Variants in ATRNL1 observed in about 807,000 individuals in gnomAD.
ATRNL1 encodes the protein attractin like 1, also known as attractin-like protein 1.
A neutral mutation model predicts 182.7 loss-of-function variants in ATRNL1; 95 were observed. That is an observed-to-expected ratio of 0.52 (90% CI 0.44 to 0.62). The LOEUF is 0.62. Ranked by LOEUF, ATRNL1 falls within the 20% of genes least tolerant of loss-of-function variation. The probability of loss-of-function intolerance (pLI) is 0.00; values close to 1 mark genes in which losing one functional copy is unlikely to be tolerated. For missense variants in ATRNL1, 1,471 were observed against 1,679.5 expected (o/e 0.88, Z 2.17); for synonymous variants, 576 against 568.3 (o/e 1.01, Z -0.19).
At chr10:115,533,731 G>C (rs1851765469) in intron 25 of ATRNL1, among the ~76,000 whole-genome samples, 1 of 149,226 alleles carries the variant, frequency 6.7e-6, no homozygotes, top group African/African-American at 2.4e-5. Flanking sequence ...GCTTTCTCTT[G>C]TGGGCATTTA....
At chr10:115,389,538 G>GTATATAGATATATATATA (rs1270489896) in intron 19 of ATRNL1, among the ~76,000 whole-genome samples, 1 of 51,414 alleles carries the variant, frequency 1.9e-5, no homozygotes, top group Non-Finnish European at 3.3e-5. Context: ...AAATGTGTAT[G>GTATATAGATATATATATA]TGTATATATA....
At position 115,268,429 on chromosome 10, in the gene ATRNL1, T is replaced by C. The variant is rs1554911659; in HGVS notation, c.2085T>C (p.Asn695=). 1.2e-6 allele frequency: 2 copies of C among 1,608,270 alleles called. No homozygotes were observed. The part of the protein sequence containing the change: ...WCDDKKCISA[N]SNCSMSVKNY... ...ATGACAAGAAATGCATTTCGGCAAA[T>C]AGTAACTGCAGTATGGTTAGTATTT... The change falls in exon 13 of 29, where the codon AAT becomes AAC. Residue 695 remains asparagine, a synonymous_variant. Coordinates refer to ENST00000355044, the MANE Select transcript of ATRNL1 (RefSeq NM_207303.4).
chr10:115,838,547 A>T (rs983415593), intron 27 of ATRNL1, among the ~76,000 whole-genome samples: 3 of 152,230 alleles, frequency 2.0e-5, no homozygotes. Flanking sequence ...GAAACAAATA[A>T]GTAACAAGCA....
chr10:115,757,630 A>G (rs1480990712), intron 27 of ATRNL1, among the ~76,000 whole-genome samples: 1 of 151,968 alleles, frequency 6.6e-6, no homozygotes, highest in African/African-American at 2.4e-5. Flanking sequence ...TCTGACAATT[A>G]TGTGTCTTTG....
chr10:115,569,713 CTGTT>C (rs1235067218), intron 26 of ATRNL1, among the ~76,000 whole-genome samples: 2 of 151,594 alleles, frequency 1.3e-5, no homozygotes, highest in African/African-American at 2.4e-5. Flanking sequence ...AGTAGGATAA[CTGTT>C]TGTCTCTGGT....
chr10:115,223,929 A>ATTTTTTTTTTTTTTTTTTT (rs1223695295), intron 9 of ATRNL1, among the ~76,000 whole-genome samples: 2 of 44,732 alleles, frequency 4.5e-5, no homozygotes, highest in African/African-American at 9.2e-5. Flanking sequence ...ATATATATAT[A>ATTTTTTTTTTTTTTTTTTT]TTTTTTTTTT....
intron 26 of ATRNL1, among the ~76,000 whole-genome samples, chr10:115,569,776 CTTT>C (rs10581276): frequency 0.2 from 29,404 of 150,118 alleles, 3,030 homozygotes; most frequent in South Asian, 0.24. Flanking sequence ...TCTTTAAATA[CTTT>C]TTTTTTTTTT....
chr10:115,871,183 A>C (rs1951570810), intron 28 of ATRNL1, among the ~76,000 whole-genome samples: 1 of 152,026 alleles, frequency 6.6e-6, no homozygotes, highest in African/African-American at 2.4e-5. Context: ...ATTTGAAAGC[A>C]GTGTCTTATA....
intron 5 of ATRNL1, among the ~76,000 whole-genome samples, chr10:115,147,293 T>A (rs1200238489): frequency 6.6e-6 from 1 of 152,132 alleles, no homozygotes; most frequent in Admixed American, 6.5e-5. Flanking sequence ...GACTTCATGA[T>A]CTTTGCTCAC....
intron 26 of ATRNL1, among the ~76,000 whole-genome samples, chr10:115,608,292 C>A (rs1478384894): frequency 1.3e-5 from 2 of 151,990 alleles, no homozygotes; most frequent in Non-Finnish European, 2.9e-5. Context: ...TACTCATCTA[C>A]AAAGAGTCTT....
intron 26 of ATRNL1, among the ~76,000 whole-genome samples, chr10:115,699,631 C>G (rs1368771812): frequency 2.6e-5 from 4 of 152,112 alleles, no homozygotes; most frequent in Non-Finnish European, 5.9e-5. Flanking sequence ...AAGGACCATT[C>G]ACAGTCAGAG....
intron 24 of ATRNL1, among the ~76,000 whole-genome samples, chr10:115,500,671 A>G (rs1236346575): frequency 6.6e-6 from 1 of 150,896 alleles, no homozygotes; most frequent in Non-Finnish European, 1.5e-5. Flanking sequence ...CCTCCTGAGT[A>G]GCTGGGATTA....
At chr10:115,438,531 A>G (rs782198101) in intron 21 of ATRNL1, among the ~76,000 whole-genome samples, 18 of 151,922 alleles carry the variant, frequency 1.2e-4, no homozygotes, top group Non-Finnish European at 2.2e-4. Flanking sequence ...ACTTCTTTAA[A>G]CATCTTGTAT....
At chr10:115,533,141 C>T (rs1300444427) in intron 25 of ATRNL1, among the ~76,000 whole-genome samples, 2 of 152,190 alleles carry the variant, frequency 1.3e-5, no homozygotes, top group Admixed American at 6.5e-5. Flanking sequence ...AGGATTCCCT[C>T]TTTTTCTATT....
intron 25 of ATRNL1, among the ~76,000 whole-genome samples, chr10:115,543,072 A>C (rs1366989346): frequency 6.6e-6 from 1 of 152,216 alleles, no homozygotes; most frequent in African/African-American, 2.4e-5. Flanking sequence ...AATTCAGTTC[A>C]TACCAGGGAG....
At chr10:115,431,497 A>G (rs1302867446) in intron 21 of ATRNL1, among the ~76,000 whole-genome samples, 2 of 151,952 alleles carry the variant, frequency 1.3e-5, no homozygotes, top group African/African-American at 4.8e-5. Context: ...ATTTTCGCTC[A>G]TCAGCTGTTT....
chr10:115,729,738 A>G (rs1555062042), intron 27 of ATRNL1, among the ~76,000 whole-genome samples: 1 of 152,098 alleles, frequency 6.6e-6, no homozygotes, highest in East Asian at 1.9e-4. Context: ...CTCAAATAAA[A>G]TTAATACTTT....
chr10:115,469,069 G>A (rs1216418833), intron 23 of ATRNL1, 103 bp from the exon 24 acceptor site: 1 of 400,092 alleles, frequency 2.5e-6, no homozygotes, highest in Non-Finnish European at 4.3e-6. Flanking sequence ...AGTATATTTT[G>A]ATAATTATTT....
rs539790807 is a variant in ATRNL1 at position 115,821,501 on chromosome 10, TA to T, written c.3904-26373del. Among the ~76,000 whole-genome samples, 4 of 152,252 alleles carry T rather than the reference TA, an allele frequency of 2.6e-5. No homozygotes were observed. In the South Asian group the frequency reaches 8.3e-4, roughly 32 times the overall value. On this transcript the variant is annotated intron_variant, in intron 27 of 28. Coordinates refer to ENST00000355044, the MANE Select transcript of ATRNL1 (RefSeq NM_207303.4). ...AAAAGACACAGACTGGCAAGATGGATAAAGAGTCAAGACCCATTGGTATGCT... is the reference window on the plus strand; with the variant it reads ...AAAAGACACAGACTGGCAAGATGGATAAGAGTCAAGACCCATTGGTATGCT...
Sources: allele counts gnomAD v4.1 joint callset (sites outside exome capture counted in the v4.1 genomes callset), GRCh38; gene constraint gnomAD v4.1.1; transcripts MANE v1.5; gene names NCBI Gene and HGNC (gene_info 2026-07-23, HGNC 2026-07-21).